COL27A1: variants seen among roughly 807,000 people sequenced by gnomAD.
COL27A1 encodes collagen alpha-1(XXVII) chain.
In COL27A1, 106 loss-of-function variants were observed where a neutral mutation model predicts 251.3. The observed-to-expected ratio is 0.42, with a 90% CI of 0.36 to 0.50. COL27A1 has a LOEUF of 0.50. Among genes scored for constraint, COL27A1 ranks in the 20% least tolerant of loss-of-function variants. The pLI is 0.00. For synonymous variants in COL27A1, 1,000 were observed against 986.3 expected, an observed-to-expected ratio of 1.01 and a Z score of -0.26; for missense variants, 2,325 against 2,522.8, an observed-to-expected ratio of 0.92 and a Z score of 1.68.
At chr9:114,294,983 G>A (rs1828162955) in intron 49 of COL27A1, among the ~76,000 whole-genome samples, 1 of 152,192 alleles carries the variant, frequency 6.6e-6, no homozygotes, top group Admixed American at 6.6e-5. Flanking sequence ...GTTTAACAAG[G>A]TCACAAGACA....
intron 37 of COL27A1, 134 bp from the exon 38 acceptor site, chr9:114,282,143 G>C: frequency 4.2e-6 from 3 of 722,276 alleles, no homozygotes; most frequent in Non-Finnish European, 7.3e-6. Context: ...AGGTCATGTG[G>C]GTACTGGGTG....
Position 114,250,598 on chromosome 9 carries a change from G to A in COL27A1, c.2980-17G>A, listed in dbSNP as rs747824063. ...GATTCACGTTGTTTCTCTTGCTTTCGGGAATGTGTCTCATAGGGATTTATG... is the reference window on the plus strand; with the variant it reads ...GATTCACGTTGTTTCTCTTGCTTTCAGGAATGTGTCTCATAGGGATTTATG... On this transcript the variant is annotated splice_polypyrimidine_tract_variant and intron_variant, in intron 24 of 60. Transcript: ENST00000356083. The A allele has an allele frequency of 1.9e-6, 3 of 1,610,384 alleles. No homozygotes were observed. Among genetic ancestry groups the A allele is most frequent in the South Asian group, 1.1e-5 (1 of 90,992 alleles).
rs930372434 is a variant in COL27A1, at chr9:114,311,462, A to G, written c.*767A>G. On this transcript the variant is annotated 3_prime_UTR_variant, in exon 61 of 61. Coordinates refer to ENST00000356083, the MANE Select transcript of COL27A1 (RefSeq NM_032888.4). ...ATCTTTCTCTCTCCTCCAAATGACA[A>G]AGTTTGGGGAATTTTTGAATTTTCC... 3.3e-5 allele frequency: 5 copies of G among 151,886 alleles called. No individual in the cohort carries two copies. The highest frequency in any genetic ancestry group is 6.6e-5 in the Admixed American group (1 of 15,258). The allele number at this position is 151,886 out of a possible 1,614,324, so 9.4% of individuals were successfully genotyped here. A position where few individuals can be genotyped will look rare whatever the true frequency, so the allele number is the denominator to read the frequency against.
intron 4 of COL27A1, among the ~76,000 whole-genome samples, chr9:114,180,859 C>T (rs1588602331): frequency 6.6e-6 from 1 of 152,092 alleles, no homozygotes; most frequent in African/African-American, 2.4e-5. Context: ...AACAGGAAGC[C>T]CCCACCTTCA....
intron 24 of COL27A1, among the ~76,000 whole-genome samples, chr9:114,249,484 G>A (rs911518871): frequency 6.6e-6 from 1 of 152,222 alleles, no homozygotes. Context: ...CCTTGGGCTG[G>A]AGGGGAAGGT....
At chr9:114,304,908 C>A (rs756502218) in intron 57 of COL27A1, among the ~76,000 whole-genome samples, 1 of 152,208 alleles carries the variant, frequency 6.6e-6, no homozygotes, top group African/African-American at 2.4e-5. Context: ...GGCCCTGAAC[C>A]CTTGAGCTTT....
rs568071544 is a variant in COL27A1 at position 114,284,863 on chromosome 9, G to A, written c.3987+86G>A. The A allele has an allele frequency of 9.5e-4, 1,397 of 1,466,800 alleles. 4 individuals are homozygous for A. The Middle Eastern group carries it at 0.01, about 11-fold the overall frequency. The allele number at this position is 1,466,800 out of a possible 1,614,324, so 90.9% of individuals were successfully genotyped here. ...AGGGCCAGCAGGAGAAAGCCCCTGG[G>A]GTACCCATGGCTGGAGAAGCCTGTG... On this transcript the variant is annotated intron_variant, in intron 41 of 60. Coordinates refer to ENST00000356083, the MANE Select transcript of COL27A1 (RefSeq NM_032888.4).
At chr9:114,175,632 C>T (rs1457132701) in intron 3 of COL27A1, among the ~76,000 whole-genome samples, 1 of 152,200 alleles carries the variant, frequency 6.6e-6, no homozygotes, top group East Asian at 1.9e-4. Context: ...CTGAGTGGCA[C>T]TCAGAGTCTG....
chr9:114,271,022 T>G (rs1835101952), intron 36 of COL27A1: 1 of 503,558 alleles, frequency 2.0e-6, no homozygotes, highest in Non-Finnish European at 3.4e-6. Flanking sequence ...TCTTTCCTGC[T>G]ACCCTTCTTA....
chr9:114,154,850 A>T (rs1848032808), upstream of COL27A1, among the ~76,000 whole-genome samples: 1 of 152,082 alleles, frequency 6.6e-6, no homozygotes, highest in African/African-American at 2.4e-5. This position sits in a 1 kb window ranked among gnomAD's most constrained non-coding sequence, Gnocchi z 5.8. Context: ...GTAGAGGCGG[A>T]GGGAGCTGTG....
chr9:114,224,372 C>A (rs372275338), intron 14 of COL27A1, among the ~76,000 whole-genome samples: 1 of 152,188 alleles, frequency 6.6e-6, no homozygotes, highest in East Asian at 1.9e-4. Context: ...GGATGGAGCC[C>A]GAGTCGTCCT....
intron 49 of COL27A1, 45 bp from the exon 50 acceptor site, chr9:114,300,025 T>A: frequency 1.2e-6 from 2 of 1,606,990 alleles, no homozygotes; most frequent in South Asian, 2.2e-5. Flanking sequence ...CGGGACACGC[T>A]GACCATGAGC....
intron 37 of COL27A1, among the ~76,000 whole-genome samples, chr9:114,278,393 CTGGTGGCGATGG>C (rs1835647225): frequency 2.9e-3 from 1 of 344 alleles, no homozygotes; most frequent in African/African-American, 9.6e-3. Flanking sequence ...GATGATGGTG[CTGGTGGCGATGG>C]TGGTGGTGAT....
At chr9:114,310,275 G>GT (rs1829358602) in intron 60 of COL27A1, among the ~76,000 whole-genome samples, 1 of 152,092 alleles carries the variant, frequency 6.6e-6, no homozygotes, top group Admixed American at 6.5e-5. Flanking sequence ...AGATGTACTT[G>GT]TTTTTTGGTC....
chr9:114,268,322 G>C (rs1834885899), intron 34 of COL27A1, among the ~76,000 whole-genome samples: 1 of 151,986 alleles, frequency 6.6e-6, no homozygotes, highest in Non-Finnish European at 1.5e-5. Context: ...GATAGAAGTG[G>C]GATTGTTTCC....
intron 23 of COL27A1, among the ~76,000 whole-genome samples, chr9:114,245,266 T>C (rs1833055046): frequency 6.6e-6 from 1 of 150,798 alleles, no homozygotes. Flanking sequence ...AGCAATTCTC[T>C]TGCCTCAGCC....
At chr9:114,229,916 G>A (rs1831813768) in intron 14 of COL27A1, among the ~76,000 whole-genome samples, 1 of 152,148 alleles carries the variant, frequency 6.6e-6, no homozygotes, top group Non-Finnish European at 1.5e-5. Context: ...TCTGTGCACT[G>A]CAGCATGCTC....
chr9:114,232,709 G>A (rs550979936), intron 16 of COL27A1, among the ~76,000 whole-genome samples: 3 of 152,334 alleles, frequency 2.0e-5, no homozygotes, highest in East Asian at 3.9e-4. Flanking sequence ...AAGGTCAGGT[G>A]CCATGCTGGG....
At chr9:114,199,016 A>G (rs1020178395) in intron 7 of COL27A1, among the ~76,000 whole-genome samples, 3 of 152,186 alleles carry the variant, frequency 2.0e-5, no homozygotes, top group African/African-American at 7.2e-5. Context: ...CACGAAGAGA[A>G]GCATCTGAAG....
Sources: allele counts gnomAD v4.1 joint callset (sites outside exome capture counted in the v4.1 genomes callset), GRCh38; gene constraint gnomAD v4.1.1; non-coding constraint Gnocchi (gnomAD v3.1); transcripts MANE v1.5; gene names NCBI Gene and HGNC (gene_info 2026-07-23, HGNC 2026-07-21).